RBM22: variants seen among roughly 807,000 people sequenced by gnomAD.
RBM22 encodes the protein pre-mRNA-splicing factor RBM22.
RBM22 carries 1 observed loss-of-function variant against 50.1 expected under a neutral mutation model. The observed-to-expected ratio is 0.02, with a 90% CI of 0.01 to 0.09. The LOEUF (loss-of-function observed/expected upper bound fraction) is 0.09. Ranked by LOEUF, RBM22 falls within the 10% of genes least tolerant of loss-of-function variation. The probability of loss-of-function intolerance (pLI) is 1.00; values close to 1 mark genes in which losing one functional copy is unlikely to be tolerated. For synonymous variants in RBM22, 152 were observed against 179.0 expected, an observed-to-expected ratio of 0.85 and a Z score of 1.20; for missense variants, 264 against 529.3, an observed-to-expected ratio of 0.50 and a Z score of 4.92.
intron 8 of RBM22, among the ~76,000 whole-genome samples, chr5:150,693,516 T>C (rs896974378): frequency 3.9e-5 from 6 of 152,194 alleles, no homozygotes; most frequent in Non-Finnish European, 5.9e-5. Context: ...AGAACTATCA[T>C]AAGGACCAGA....
chr5:150,699,071 C>T (rs962363079), intron 3 of RBM22, among the ~76,000 whole-genome samples, 171 bp downstream of exon 3: 7 of 152,168 alleles, frequency 4.6e-5, no homozygotes, highest in African/African-American at 1.7e-4. Flanking sequence ...GGTTCATTTT[C>T]TTACCTCCCA....
intron 8 of RBM22, 91 bp from the exon 9 acceptor site, chr5:150,693,398 C>A: frequency 2.1e-6 from 2 of 954,292 alleles, no homozygotes; most frequent in Non-Finnish European, 3.3e-6. Flanking sequence ...GGAGTTCCTT[C>A]GCTCTACCTC....
At chr5:150,695,275 C>CA in intron 7 of RBM22, 2 of 508,896 alleles carry the variant, frequency 3.9e-6, no homozygotes. Flanking sequence ...GAGATCCTCC[C>CA]AAAGTGTTGA....
chr5:150,699,671 T>C (rs1759320077), intron 2 of RBM22, among the ~76,000 whole-genome samples: 1 of 152,204 alleles, frequency 6.6e-6, no homozygotes, highest in Non-Finnish European at 1.5e-5. Flanking sequence ...AGTGAGTGTC[T>C]TTCCACAGCC....
chr5:150,691,556 T>A lies in RBM22; in HGVS notation c.*195A>T. ...TTACAGCAGTAACCAGATGTGTTAA[T>A]GGCAGCTTATTTACGGTCCATCGAT... On this transcript the variant is annotated 3_prime_UTR_variant, in exon 11 of 11. Transcript: ENST00000199814. 3 of 579,946 alleles carry A rather than the reference T, an allele frequency of 5.2e-6. No individual in the cohort carries two copies. Among genetic ancestry groups the A allele is most frequent in the East Asian group, 6.6e-5 (2 of 30,344 alleles). The allele number at this position is 579,946 out of a possible 1,614,324, so 35.9% of individuals were successfully genotyped here. A position where few individuals can be genotyped will look rare whatever the true frequency, so the allele number is the denominator to read the frequency against.
intron 8 of RBM22, among the ~76,000 whole-genome samples, chr5:150,693,824 T>TA (rs1759239995): frequency 1.3e-5 from 2 of 152,238 alleles, no homozygotes; most frequent in South Asian, 4.1e-4. Context: ...ACTTGGCCTA[T>TA]AATAGCTAGT....
chr5:150,699,032 C>A (rs1561679477), intron 3 of RBM22, among the ~76,000 whole-genome samples: 1 of 152,156 alleles, frequency 6.6e-6, no homozygotes, highest in African/African-American at 2.4e-5. Context: ...TGCCCATCCA[C>A]TGACACCGTA....
chr5:150,692,084 C>T (rs1759216508), intron 10 of RBM22, among the ~76,000 whole-genome samples: 1 of 152,214 alleles, frequency 6.6e-6, no homozygotes, highest in South Asian at 2.1e-4. Flanking sequence ...AAAAACTCCA[C>T]AGCACTCAAG....
rs1311096106 is a variant in RBM22 at position 150,694,136 on chromosome 5, G to A, written c.851C>T (p.Ala284Val). The A allele has an allele frequency of 6.2e-7, 1 of 1,614,074 alleles. No individual in the cohort carries two copies. The highest frequency in any genetic ancestry group is 8.5e-7 in the Non-Finnish European group (1 of 1,180,044). ...AATCAACTTATTAAAGGACTTCTCA[G>A]CAGCCACTTCTGCAGCCTGCCGTGT... is the stretch of plus-strand genomic sequence containing the variant. ...FATRQAAEVA[A>V]EKSFNKLIVN... The change falls in exon 8 of 11, where the codon GCT becomes GTT. Residue 284 changes from alanine (A) to valine (V), a missense_variant. Ala to Val is a moderately conservative substitution (Grantham distance 64). Transcript: ENST00000199814.
chr5:150,696,818 C>G lies in RBM22; in HGVS notation c.345G>C (p.Glu115Asp). 6.2e-7 allele frequency: 1 copy of G among 1,614,172 alleles called. No individual in the cohort carries two copies. The highest frequency in any genetic ancestry group is 1.6e-4 in the Middle Eastern group (1 of 6,062). Residue 115 changes from glutamate to aspartate, a missense_variant, in exon 5 of 11, where the codon GAG becomes GAC. Glu to Asp is a conservative substitution (Grantham distance 45). Transcript: ENST00000199814. This position sits in a 1 kb window ranked among gnomAD's most constrained non-coding sequence, Gnocchi z 4.3. ...DDMPKSDVNK[E>D]YYTQNMEREI... ...CTCTCTCCATATTCTGTGTATAGTA[C>G]TCTTTGTTGACATCTGACTTTGGCA...
At chr5:150,692,726 G>A (rs972811737) in intron 10 of RBM22, among the ~76,000 whole-genome samples, 169 bp downstream of exon 10, 6 of 152,114 alleles carry the variant, frequency 3.9e-5, no homozygotes, top group East Asian at 1.9e-4. Flanking sequence ...TCTTCTCCTC[G>A]GCAGAGCAGG....
intron 4 of RBM22, chr5:150,697,774 T>G: frequency 3.1e-6 from 1 of 323,600 alleles, no homozygotes; most frequent in Non-Finnish European, 5.9e-6. Flanking sequence ...AAAATTATCT[T>G]TCTGAAAAAC....
chr5:150,700,323 G>GCACT, intron 2 of RBM22, 121 bp downstream of exon 2: 1 of 962,088 alleles, frequency 1.0e-6, no homozygotes. Flanking sequence ...AAGTCGTCCA[G>GCACT]CACTTCGCGT....
intron 2 of RBM22, 31 bp from the exon 3 acceptor site, chr5:150,699,302 G>C: frequency 6.5e-7 from 1 of 1,543,222 alleles, no homozygotes; most frequent in Non-Finnish European, 8.7e-7. Context: ...AAAAGAACTG[G>C]AGTTACAGAA....
intron 4 of RBM22, chr5:150,697,846 A>G (rs1486024522): frequency 8.5e-6 from 2 of 236,622 alleles, no homozygotes; most frequent in Non-Finnish European, 1.7e-5. Context: ...CAGTAGCAAT[A>G]TATCAGTTCT....
At chr5:150,698,858 T>A (rs903080483) in intron 3 of RBM22, among the ~76,000 whole-genome samples, 1 of 152,196 alleles carries the variant, frequency 6.6e-6, no homozygotes, top group East Asian at 1.9e-4. Flanking sequence ...GTTCTTCCCA[T>A]CCTAGAGCTA....
rs768991398 is a variant in RBM22, at chr5:150,696,711, T to C, written c.373-6A>G. On this transcript the variant is annotated splice_polypyrimidine_tract_variant and splice_region_variant and intron_variant, in intron 5 of 10. Transcript: ENST00000199814. The surrounding 1 kb of genome is among the most constrained non-coding windows in gnomAD (Gnocchi z 4.3). Reference sequence around the variant, plus strand: ...GTTCCATCAGAGTTAGAAATCTAAGTGGGGATGACAAATTCAAAAGATAAA... The same window carrying C: ...GTTCCATCAGAGTTAGAAATCTAAGCGGGGATGACAAATTCAAAAGATAAA... 1 of 1,614,070 alleles carries C rather than the reference T, an allele frequency of 6.2e-7. No individual in the cohort carries two copies. Among genetic ancestry groups the C allele is most frequent in the South Asian group, 1.1e-5 (1 of 91,072 alleles).
At position 150,693,203 on chromosome 5, in the gene RBM22, G is replaced by C. The variant is rs1413834186; in HGVS notation, c.1000+16C>G. On this transcript the variant is annotated intron_variant, in intron 9 of 10. Coordinates refer to ENST00000199814, the MANE Select transcript of RBM22 (RefSeq NM_018047.3). ...GCAGAAAGAGCTTCTGAAGTCAGCAGGGAGTCTGCACTCACCTCCTGGCAA... is the reference window on the plus strand; with the variant it reads ...GCAGAAAGAGCTTCTGAAGTCAGCACGGAGTCTGCACTCACCTCCTGGCAA... 1 of 1,604,930 alleles carries C rather than the reference G, an allele frequency of 6.2e-7. No homozygotes were observed. Among genetic ancestry groups the C allele is most frequent in the Non-Finnish European group, 8.5e-7 (1 of 1,172,634 alleles).
chr5:150,700,516 C>G lies in RBM22; in HGVS notation c.55-19G>C, dbSNP rs1347185541. On this transcript the variant is annotated intron_variant, in intron 1 of 10. Coordinates refer to ENST00000199814, the MANE Select transcript of RBM22 (RefSeq NM_018047.3). Reference sequence around the variant, plus strand: ...GGAAGTCCTGGTGAAAATGGGAAATCTGGTTGAGGACCACCCTCCGAAGAC... The same window carrying G: ...GGAAGTCCTGGTGAAAATGGGAAATGTGGTTGAGGACCACCCTCCGAAGAC... 6.2e-7 allele frequency: 1 copy of G among 1,614,070 alleles called. No homozygotes were observed.
Sources: allele counts gnomAD v4.1 joint callset (sites outside exome capture counted in the v4.1 genomes callset), GRCh38; gene constraint gnomAD v4.1.1; non-coding constraint Gnocchi (gnomAD v3.1); transcripts MANE v1.5; gene names NCBI Gene and HGNC (gene_info 2026-07-23, HGNC 2026-07-21).